Variants in SUPT3H observed in about 807,000 individuals in gnomAD.
The protein encoded by SUPT3H is transcription initiation protein SPT3 homolog.
A neutral mutation model predicts 44.3 loss-of-function variants in SUPT3H; 44 were observed. That is an observed-to-expected ratio of 0.99 (90% CI 0.78 to 1.28). The LOEUF (loss-of-function observed/expected upper bound fraction) is 1.28, where lower values mean the gene tolerates loss of function less well. SUPT3H is among the 50% of genes most tolerant of loss of function. SUPT3H has a pLI of 0.00. For synonymous variants in SUPT3H, 124 were observed against 125.6 expected (o/e 0.99, Z 0.09); for missense variants, 380 against 387.1 (o/e 0.98, Z 0.15).
chr6:45,296,213 C>CACACACACACACA (rs1491096772), intron 2 of SUPT3H, among the ~76,000 whole-genome samples: 6 of 151,178 alleles, frequency 4.0e-5, no homozygotes, highest in Non-Finnish European at 8.9e-5. Flanking sequence ...CACACACACA[C>CACACACACACACA]AATGCAACAC....
intron 2 of SUPT3H, among the ~76,000 whole-genome samples, chr6:45,255,562 T>C (rs1274298662): frequency 1.3e-5 from 2 of 151,812 alleles, no homozygotes; most frequent in Admixed American, 1.3e-4. Context: ...CCTGGGACTA[T>C]AGGCAGGCAT....
At chr6:45,246,023 G>T (rs1470154529) in intron 2 of SUPT3H, among the ~76,000 whole-genome samples, 1 of 152,008 alleles carries the variant, frequency 6.6e-6, no homozygotes, top group Non-Finnish European at 1.5e-5. Flanking sequence ...CTAAGGACTG[G>T]TAATATAGAG....
At chr6:45,288,543 G>GTGTGTATATATATATA (rs1779696649) in intron 2 of SUPT3H, among the ~76,000 whole-genome samples, 1 of 47,554 alleles carries the variant, frequency 2.1e-5, no homozygotes, top group Non-Finnish European at 4.4e-5. Flanking sequence ...GTGTGTGTGT[G>GTGTGTATATATATATA]TGTGTATATA....
intron 2 of SUPT3H, among the ~76,000 whole-genome samples, chr6:45,130,074 G>T (rs1803190358): frequency 6.6e-6 from 1 of 152,030 alleles, no homozygotes; most frequent in South Asian, 2.1e-4. Flanking sequence ...CAGTTTAGTA[G>T]GTTTCTGGAC....
At chr6:45,252,106 T>A (rs1262492858) in intron 2 of SUPT3H, among the ~76,000 whole-genome samples, 2 of 152,210 alleles carry the variant, frequency 1.3e-5, no homozygotes, top group East Asian at 3.9e-4. Context: ...GATGAGAAAA[T>A]ACTGCAAATG....
intron 10 of SUPT3H, among the ~76,000 whole-genome samples, chr6:44,890,752 G>T (rs1421618492): frequency 7.5e-6 from 1 of 134,150 alleles, no homozygotes; most frequent in East Asian, 2.6e-4. Context: ...AAAACTTAAA[G>T]TATAATAATA....
intron 3 of SUPT3H, among the ~76,000 whole-genome samples, chr6:45,033,291 AC>A (rs1223078191): frequency 3.9e-5 from 6 of 152,142 alleles, no homozygotes; most frequent in Non-Finnish European, 7.4e-5. Context: ...TTGTGGTTGA[AC>A]CTAAAATAAA....
intron 10 of SUPT3H, among the ~76,000 whole-genome samples, chr6:44,902,609 T>G (rs1405178013): frequency 6.6e-6 from 1 of 152,114 alleles, no homozygotes; most frequent in East Asian, 1.9e-4. Context: ...CTGTCAATAT[T>G]AGACACATCA....
At chr6:44,945,295 A>G (rs887348140) in intron 9 of SUPT3H, among the ~76,000 whole-genome samples, 4 of 152,166 alleles carry the variant, frequency 2.6e-5, no homozygotes, top group African/African-American at 9.7e-5. Context: ...AATTAGGCCA[A>G]TTAATAACCC....
chr6:44,838,533 GT>G (rs576685284), intron 10 of SUPT3H, among the ~76,000 whole-genome samples: 72 of 152,232 alleles, frequency 4.7e-4, no homozygotes, highest in African/African-American at 1.7e-3. Flanking sequence ...ACAAAAAAGT[GT>G]TTTAAGTAAG....
At chr6:45,021,259 A>T (rs1470297763) in intron 3 of SUPT3H, among the ~76,000 whole-genome samples, 1 of 151,888 alleles carries the variant, frequency 6.6e-6, no homozygotes, top group East Asian at 1.9e-4. Context: ...TACTGCACTA[A>T]AAGTTAGATT....
chr6:44,947,159 C>G (rs1773479922), intron 9 of SUPT3H, among the ~76,000 whole-genome samples: 1 of 152,124 alleles, frequency 6.6e-6, no homozygotes, highest in African/African-American at 2.4e-5. Flanking sequence ...TTATAGACTA[C>G]AGTATAGCGT....
At chr6:45,255,420 T>TTC (rs1168851364) in intron 2 of SUPT3H, among the ~76,000 whole-genome samples, 1 of 144,750 alleles carries the variant, frequency 6.9e-6, no homozygotes, top group African/African-American at 2.5e-5. Flanking sequence ...TATAATAGGT[T>TTC]TTTTTTTTTT....
At chr6:45,298,878 C>T (rs890583349) in intron 2 of SUPT3H, among the ~76,000 whole-genome samples, 21 of 152,070 alleles carry the variant, frequency 1.4e-4, no homozygotes, top group Non-Finnish European at 2.4e-4. Flanking sequence ...TCACAATGAT[C>T]CCTGTGTCTT....
Position 45,277,545 on chromosome 6 carries a change from T to G in SUPT3H, c.101+87656A>C, listed in dbSNP as rs1219562010. 6.6e-5 allele frequency among the ~76,000 whole-genome samples: 10 copies of G among 152,186 alleles called. 1 individual carries two copies. The East Asian group carries it at 1.9e-3, about 29-fold the overall frequency. On this transcript the variant is annotated intron_variant, in intron 2 of 10. Transcript: ENST00000371459. ...GAGGGCCACAGACCCTCCAAAACTG[T>G]AGACATATGGTGAAGCAACAGGCAG... is the stretch of plus-strand genomic sequence containing the variant.
chr6:45,322,716 G>A (rs571197335), intron 2 of SUPT3H, among the ~76,000 whole-genome samples: 1 of 152,160 alleles, frequency 6.6e-6, no homozygotes, highest in East Asian at 1.9e-4. Context: ...AAACTGGCAT[G>A]CAAATAAAAG....
At chr6:44,932,796 A>C in intron 9 of SUPT3H, 33 bp from the exon 10 acceptor site, 1 of 1,427,128 alleles carries the variant, frequency 7.0e-7, no homozygotes, top group Non-Finnish European at 9.7e-7. Context: ...TTGTTACTAA[A>C]TCAAAAACAC....
intron 2 of SUPT3H, among the ~76,000 whole-genome samples, chr6:45,285,642 T>G (rs1356204694): frequency 6.6e-6 from 1 of 152,032 alleles, no homozygotes; most frequent in Admixed American, 6.6e-5. Context: ...TAGGAAGAAT[T>G]AATATCGTGA....
intron 10 of SUPT3H, among the ~76,000 whole-genome samples, chr6:44,900,100 G>A (rs7739251): frequency 0.025 from 3,760 of 152,310 alleles, 171 homozygotes; most frequent in African/African-American, 0.085. Context: ...CATAAGCGAC[G>A]CAGAAGACAG....
Sources: gnomAD v4.1 joint callset for allele counts (sites outside exome capture counted in the v4.1 genomes callset) on GRCh38, gnomAD v4.1.1 for gene constraint, MANE v1.5 for transcripts, NCBI Gene and HGNC (gene_info 2026-07-23, HGNC 2026-07-21) for gene names.